The following SYNE1 variants were observed in gnomAD, a reference collection of about 807,000 sequenced individuals.
The protein encoded by SYNE1 is nesprin-1.
SYNE1 carries 616 observed loss-of-function variants against 1,111.0 expected under a neutral mutation model. The ratio of observed to expected loss-of-function variants is 0.55; its 90% CI spans 0.52 to 0.59. The LOEUF (loss-of-function observed/expected upper bound fraction) is 0.59, where lower values mean the gene tolerates loss of function less well. SYNE1 is among the 20% of genes least tolerant of loss of function. The pLI is 0.00. For synonymous variants in SYNE1, 3,855 were observed against 3,825.8 expected (o/e 1.01, Z -0.28); for missense variants, 10,006 against 10,417.0 (o/e 0.96, Z 1.72).
At chr6:152,131,751 C>A (rs556991525) in intron 144 of SYNE1, among the ~76,000 whole-genome samples, 4 of 152,118 alleles carry the variant, frequency 2.6e-5, no homozygotes, top group Admixed American at 6.5e-5. Flanking sequence ...CACCTCCAGC[C>A]GAGGCGCCCC....
At chr6:152,287,836 C>T (rs1212991) in intron 95 of SYNE1, among the ~76,000 whole-genome samples, 5 of 152,138 alleles carry the variant, frequency 3.3e-5, no homozygotes, top group Non-Finnish European at 7.3e-5. Context: ...CATGAGCCAC[C>T]GCACCCAGCC....
chr6:152,126,524 T>A lies in SYNE1; in HGVS notation c.26154-3848A>T, dbSNP rs187764034. Reference sequence around the variant, plus strand: ...TTAGATTGTGTTTATATAGGAAAAATTAAATGTGTGAGCCTCCTTAAGGAA... The same window carrying A: ...TTAGATTGTGTTTATATAGGAAAAAATAAATGTGTGAGCCTCCTTAAGGAA... On this transcript the variant is annotated intron_variant, in intron 145 of 145. Transcript: ENST00000367255. The A allele has an allele frequency of 1.9e-3, 294 of 152,278 alleles. 5 individuals carry two copies. The highest frequency in any genetic ancestry group is 6.7e-3 in the African/African-American group (278 of 41,554). 9.4% of individuals were successfully genotyped at this position (152,278 alleles called of 1,614,324 possible).
chr6:152,321,803 G>T lies in SYNE1; in HGVS notation c.16001C>A (p.Ser5334Tyr), dbSNP rs2095874438. The T allele has an allele frequency of 2.5e-6, 4 of 1,613,944 alleles. No individual in the cohort carries two copies. In the East Asian group the frequency reaches 8.9e-5, roughly 36 times the overall value. The part of the protein sequence containing the change: ...DREMVETQIN[S>Y]VKCWVQETKE... The stretch of plus-strand genomic sequence containing the variant: ...CGTTTCCTGAACCCAACATTTCACA[G>T]AATTGATCTGAGTCTCCACCATTTC... The change falls in exon 83 of 146, where the codon TCT (serine) becomes TAT (tyrosine). Residue 5334 changes from serine (S) to tyrosine (Y), a missense_variant. By Grantham distance (144) the Ser-to-Tyr change is moderately radical. Transcript: ENST00000367255.
chr6:152,356,079 A>G (rs143839469), intron 66 of SYNE1, among the ~76,000 whole-genome samples: 75 of 152,270 alleles, frequency 4.9e-4, no homozygotes, highest in Non-Finnish European at 9.4e-4. Context: ...AATTTTTTAT[A>G]ATTATTTTCC....
chr6:152,580,246 T>G (rs2099514944), intron 3 of SYNE1, among the ~76,000 whole-genome samples: 1 of 152,206 alleles, frequency 6.6e-6, no homozygotes. Flanking sequence ...TGGTTTTGAT[T>G]TGCATTTTTC....
intron 99 of SYNE1, among the ~76,000 whole-genome samples, chr6:152,268,368 C>T (rs1454179536): frequency 7.0e-6 from 1 of 143,862 alleles, no homozygotes; most frequent in African/African-American, 2.6e-5. Context: ...ATACAGGATA[C>T]CTCTGAAAAA....
intron 144 of SYNE1, 109 bp from the exon 145 acceptor site, chr6:152,130,887 C>A: frequency 8.8e-7 from 1 of 1,138,786 alleles, no homozygotes; most frequent in South Asian, 1.3e-5. Flanking sequence ...AAAAATAAAT[C>A]AAATGAAATG....
At chr6:152,443,116 T>C (rs1468078417) in intron 30 of SYNE1, among the ~76,000 whole-genome samples, 1 of 152,124 alleles carries the variant, frequency 6.6e-6, no homozygotes, top group Non-Finnish European at 1.5e-5. Flanking sequence ...ACAAAGTAAA[T>C]GCACCCATAT....
chr6:152,467,975 G>T (rs1256699567), intron 16 of SYNE1, among the ~76,000 whole-genome samples: 2 of 152,052 alleles, frequency 1.3e-5, no homozygotes, highest in African/African-American at 4.8e-5. Context: ...ACAAATGCAT[G>T]TTTAAAATAA....
chr6:152,149,934 T>G (rs912746495), intron 135 of SYNE1, among the ~76,000 whole-genome samples: 1 of 152,194 alleles, frequency 6.6e-6, no homozygotes, highest in African/African-American at 2.4e-5. Flanking sequence ...TCACAGGTAG[T>G]GTGGGTAGAG....
chr6:152,149,450 A>G (rs2060050676), intron 136 of SYNE1, 27 bp downstream of exon 136: 6 of 1,613,886 alleles, frequency 3.7e-6, no homozygotes, highest in Non-Finnish European at 5.1e-6. Context: ...AGATTTAATG[A>G]CAACTAAGAA....
At chr6:152,230,959 G>A (rs1282102920) in intron 114 of SYNE1, among the ~76,000 whole-genome samples, 3 of 151,884 alleles carry the variant, frequency 2.0e-5, no homozygotes, top group African/African-American at 7.2e-5. Context: ...AAAAAAAATT[G>A]CAAAAGAATC....
At chr6:152,453,870 G>A (rs2098672605) in intron 24 of SYNE1, 150 bp from the exon 25 acceptor site, 2 of 861,268 alleles carry the variant, frequency 2.3e-6, no homozygotes, top group Non-Finnish European at 3.8e-6. Context: ...TTTTAAGGAT[G>A]AACTATGTGC....
intron 8 of SYNE1, among the ~76,000 whole-genome samples, chr6:152,507,239 C>G (rs1156315631): frequency 6.6e-6 from 1 of 152,092 alleles, no homozygotes; most frequent in Non-Finnish European, 1.5e-5. Context: ...TAAGCCACCT[C>G]AAATTAGTTT....
Position 152,148,072 on chromosome 6 carries a change from A to G in SYNE1, c.24949T>C (p.Tyr8317His), listed in dbSNP as rs777322468. Residue 8317 changes from tyrosine (Y) to histidine (H), a missense_variant, in exon 137 of 146, where the codon TAC (tyrosine) becomes CAC (histidine). By Grantham distance (83) the Tyr-to-His change is moderately conservative. This residue lies in a region of SYNE1 where 761 missense variants were observed against 795.5 expected (regional missense o/e 0.96). Coordinates refer to ENST00000367255, the MANE Select transcript of SYNE1 (RefSeq NM_182961.4). The surrounding 1 kb of genome is among the most constrained non-coding windows in gnomAD (Gnocchi z 4.1). ...DEEGQDDKDF[Y>H]LRGAVGLSGD... ...GATAAGCCAACAGCTCCCCGGAGGT[A>G]GAAATCTTTGTCATCCTGACCTTCT... is the stretch of plus-strand genomic sequence containing the variant. The G allele has an allele frequency of 1.1e-5, 18 of 1,614,022 alleles. No homozygotes were observed. The highest frequency in any genetic ancestry group is 1.4e-5 in the Non-Finnish European group (17 of 1,180,026).
At chr6:152,550,335 C>T (rs573661455) in intron 3 of SYNE1, among the ~76,000 whole-genome samples, 1 of 151,968 alleles carries the variant, frequency 6.6e-6, no homozygotes, top group African/African-American at 2.4e-5. Context: ...TAATTCTTAA[C>T]CTCTAAAAAA....
chr6:152,159,020 C>T (rs776855925), intron 131 of SYNE1, among the ~76,000 whole-genome samples: 19 of 152,126 alleles, frequency 1.2e-4, no homozygotes, highest in Non-Finnish European at 2.2e-4. Flanking sequence ...GGCACAATCT[C>T]GGCTCACTGC....
chr6:152,251,915 G>A (rs1169752973), intron 104 of SYNE1, among the ~76,000 whole-genome samples: 1 of 151,886 alleles, frequency 6.6e-6, no homozygotes, highest in East Asian at 1.9e-4. Flanking sequence ...ATTATTGGCA[G>A]GGCAAAAAGG....
At chr6:152,276,030 CTTTTTT>C (rs749642435) in intron 98 of SYNE1, among the ~76,000 whole-genome samples, 1 of 84,016 alleles carries the variant, frequency 1.2e-5, no homozygotes, top group Non-Finnish European at 2.3e-5. Flanking sequence ...TTCTCGACTT[CTTTTTT>C]TTTTTTTTTT....
Sources: allele counts gnomAD v4.1 joint callset (sites outside exome capture counted in the v4.1 genomes callset), GRCh38; gene constraint gnomAD v4.1.1; regional missense constraint gnomAD v4.1.1; non-coding constraint Gnocchi (gnomAD v3.1); transcripts MANE v1.5; gene names NCBI Gene and HGNC (gene_info 2026-07-23, HGNC 2026-07-21).